The following NKAIN2 variants were observed in gnomAD, a reference collection of about 807,000 sequenced individuals.
NKAIN2 encodes the protein sodium/potassium-transporting ATPase subunit beta-1-interacting protein 2.
In NKAIN2, 14 loss-of-function variants were observed where a neutral mutation model predicts 32.6. That is an observed-to-expected ratio of 0.43 (90% CI 0.28 to 0.67). NKAIN2 has a LOEUF of 0.67. Ranked by LOEUF, NKAIN2 falls within the 30% of genes least tolerant of loss-of-function variation. The probability of loss-of-function intolerance (pLI) is 0.17; values close to 1 mark genes in which losing one functional copy is unlikely to be tolerated. For synonymous variants in NKAIN2, 80 were observed against 87.2 expected, an observed-to-expected ratio of 0.92 and a Z score of 0.46; for missense variants, 198 against 258.3, an observed-to-expected ratio of 0.77 and a Z score of 1.60.
chr6:123,913,718 T>A (rs944703806), intron 1 of NKAIN2, among the ~76,000 whole-genome samples: 9 of 152,158 alleles, frequency 5.9e-5, no homozygotes, highest in African/African-American at 2.2e-4. Context: ...AACTTTTACC[T>A]AATTACCAGA....
At chr6:124,135,174 T>A (rs1786680613) in intron 1 of NKAIN2, among the ~76,000 whole-genome samples, 1 of 151,526 alleles carries the variant, frequency 6.6e-6, no homozygotes, top group South Asian at 2.1e-4. Flanking sequence ...TGAACCTCCT[T>A]GAACCGTAAA....
At chr6:124,364,190 T>A (rs1799414748) in intron 3 of NKAIN2, among the ~76,000 whole-genome samples, 1 of 148,884 alleles carries the variant, frequency 6.7e-6, no homozygotes, top group South Asian at 2.1e-4. Context: ...TGAGAAATAA[T>A]TGATTAACAT....
intron 4 of NKAIN2, among the ~76,000 whole-genome samples, chr6:124,729,788 A>G (rs964945149): frequency 6.6e-6 from 1 of 151,982 alleles, no homozygotes; most frequent in African/African-American, 2.4e-5. Flanking sequence ...TGCAGATGAC[A>G]TGATTGTATA....
At chr6:124,397,758 C>T (rs555959196) in intron 3 of NKAIN2, among the ~76,000 whole-genome samples, 1 of 152,070 alleles carries the variant, frequency 6.6e-6, no homozygotes, top group African/African-American at 2.4e-5. Flanking sequence ...CGTTTCAAAC[C>T]AGAAAACCTG....
chr6:124,014,093 C>A (rs1001615785), intron 1 of NKAIN2, among the ~76,000 whole-genome samples: 1 of 152,046 alleles, frequency 6.6e-6, no homozygotes, highest in Non-Finnish European at 1.5e-5. Context: ...TATACGTATC[C>A]CCCTTTAAAT....
Position 123,963,114 on chromosome 6 carries a change from C to T in NKAIN2, c.54+158860C>T, listed in dbSNP as rs533961846. Reference sequence around the variant, plus strand: ...CTAATGTTGTGGAAACCTCGAAACTCATACAGTCACCTTATGTAACACTAA... The same window carrying T: ...CTAATGTTGTGGAAACCTCGAAACTTATACAGTCACCTTATGTAACACTAA... On this transcript the variant is annotated intron_variant, in intron 1 of 6. Coordinates refer to ENST00000368417, the MANE Select transcript of NKAIN2 (RefSeq NM_001040214.3). Among the ~76,000 whole-genome samples the T allele has an allele frequency of 1.2e-4, 18 of 152,278 alleles. No homozygotes were observed. In the Middle Eastern group the frequency reaches 0.01, roughly 86 times the overall value.
intron 1 of NKAIN2, among the ~76,000 whole-genome samples, chr6:123,889,641 T>C (rs1196192436): frequency 6.6e-6 from 1 of 152,170 alleles, no homozygotes; most frequent in Non-Finnish European, 1.5e-5. Flanking sequence ...AGAAAAGGTT[T>C]ATTTCAGGCC....
chr6:123,956,111 G>A (rs7750665), intron 1 of NKAIN2, among the ~76,000 whole-genome samples: 11,924 of 151,856 alleles, frequency 0.079, 1,531 homozygotes, highest in African/African-American at 0.27. Flanking sequence ...TAAACTTTAC[G>A]TAATTACATG....
chr6:124,711,832 C>T (rs1458551556), intron 4 of NKAIN2, among the ~76,000 whole-genome samples: 1 of 152,222 alleles, frequency 6.6e-6, no homozygotes, highest in Non-Finnish European at 1.5e-5. Flanking sequence ...CAAAGTCATT[C>T]TCCATCAAGC....
intron 1 of NKAIN2, among the ~76,000 whole-genome samples, chr6:123,910,499 GT>G (rs35165515): frequency 0.051 from 4,104 of 81,146 alleles, 14 homozygotes; most frequent in Non-Finnish European, 0.061. Flanking sequence ...TGCAATGCAT[GT>G]TTTTTTTTTT....
In NKAIN2 at chr6:124,588,400, T is replaced by C. The variant is rs112492254; in HGVS notation, c.274-69786T>C. 7.0e-3 allele frequency among the ~76,000 whole-genome samples: 1,065 copies of C among 152,196 alleles called. 14 individuals carry two copies. The highest frequency in any genetic ancestry group is 0.025 in the African/African-American group (1,023 of 41,566). ...AACTAGAACCTGAAAAAATTGACTG[T>C]AATAATTTTAAAATTTGAGGCCTGC... On this transcript the variant is annotated intron_variant, in intron 3 of 6. Transcript: ENST00000368417.
chr6:123,989,475 A>T (rs1779321493), intron 1 of NKAIN2, among the ~76,000 whole-genome samples: 1 of 152,148 alleles, frequency 6.6e-6, no homozygotes, highest in Non-Finnish European at 1.5e-5. Context: ...AAAACAATAA[A>T]CAGAACTCTT....
chr6:124,218,145 C>G (rs1358802985), intron 1 of NKAIN2, among the ~76,000 whole-genome samples: 2 of 150,544 alleles, frequency 1.3e-5, no homozygotes, highest in African/African-American at 4.9e-5. Flanking sequence ...CTAAAAATAC[C>G]TCATTCAATA....
intron 3 of NKAIN2, among the ~76,000 whole-genome samples, chr6:124,636,653 T>C (rs912661783): frequency 6.6e-6 from 1 of 151,910 alleles, no homozygotes; most frequent in African/African-American, 2.4e-5. Context: ...TTGAAAAACC[T>C]AGAGGAAACA....
intron 3 of NKAIN2, among the ~76,000 whole-genome samples, chr6:124,372,718 T>A (rs1227375934): frequency 1.3e-5 from 2 of 152,186 alleles, no homozygotes; most frequent in African/African-American, 4.8e-5. Context: ...TACATCTAAA[T>A]CACTGGCAAA....
intron 2 of NKAIN2, among the ~76,000 whole-genome samples, chr6:124,306,880 A>C (rs1198674333): frequency 6.6e-6 from 1 of 152,178 alleles, no homozygotes; most frequent in African/African-American, 2.4e-5. Flanking sequence ...ATTAAGGCAC[A>C]ATACAATCAG....
At chr6:124,074,414 A>G (rs1236929766) in intron 1 of NKAIN2, among the ~76,000 whole-genome samples, 1 of 152,180 alleles carries the variant, frequency 6.6e-6, no homozygotes, top group African/African-American at 2.4e-5. Context: ...CCACGTTCTC[A>G]GATAAACACC....
intron 3 of NKAIN2, among the ~76,000 whole-genome samples, chr6:124,440,487 C>T (rs1253184686): frequency 6.6e-6 from 1 of 152,056 alleles, no homozygotes; most frequent in Non-Finnish European, 1.5e-5. Context: ...GATCCTCATA[C>T]CTGAGAAGTC....
chr6:124,421,775 A>G (rs533212302), intron 3 of NKAIN2, among the ~76,000 whole-genome samples: 5 of 152,142 alleles, frequency 3.3e-5, no homozygotes, highest in Non-Finnish European at 5.9e-5. Context: ...GTACAGATTC[A>G]TTTTCAAATT....
Sources: gnomAD v4.1 joint callset for allele counts (sites outside exome capture counted in the v4.1 genomes callset) on GRCh38, gnomAD v4.1.1 for gene constraint, MANE v1.5 for transcripts, NCBI Gene and HGNC (gene_info 2026-07-23, HGNC 2026-07-21) for gene names.